The following LTBP1 variants were observed in gnomAD, a reference collection of about 807,000 sequenced individuals.
LTBP1 encodes latent-transforming growth factor beta-binding protein 1.
Under a neutral mutation model 207.6 loss-of-function variants are expected in LTBP1, and 129 were observed. The observed-to-expected ratio is 0.62, with a 90% confidence interval of 0.54 to 0.72. LTBP1 has a LOEUF of 0.72. Among genes scored for constraint, LTBP1 ranks in the 30% least tolerant of loss-of-function variants. LTBP1 has a pLI of 0.00. For missense variants in LTBP1, 2,281 were observed against 2,217.2 expected (o/e 1.03, Z -0.58); for synonymous variants, 963 against 833.7 (o/e 1.16, Z -2.67).
chr2:33,344,705 G>T (rs956200847), intron 25 of LTBP1, among the ~76,000 whole-genome samples: 1 of 152,134 alleles, frequency 6.6e-6, no homozygotes, highest in Admixed American at 6.5e-5. Context: ...TTAATAATGG[G>T]TATACCACCT....
At chr2:33,090,274 A>G (rs2079002439) in intron 3 of LTBP1, among the ~76,000 whole-genome samples, 1 of 152,218 alleles carries the variant, frequency 6.6e-6, no homozygotes, top group Non-Finnish European at 1.5e-5. Context: ...CATTGGCTTG[A>G]AAGTTGGCCC....
chr2:33,017,372 T>C (rs1688531904), intron 2 of LTBP1, among the ~76,000 whole-genome samples: 2 of 152,154 alleles, frequency 1.3e-5, no homozygotes, highest in South Asian at 4.1e-4. Context: ...CAAACCTGAG[T>C]GTGCATCGAC....
intron 31 of LTBP1, among the ~76,000 whole-genome samples, chr2:33,373,129 T>A (rs1574060986): frequency 6.6e-6 from 1 of 152,164 alleles, no homozygotes; most frequent in Admixed American, 6.5e-5. Flanking sequence ...GGACAACTAG[T>A]GTGTTGGGAG....
At chr2:33,017,753 A>G (rs1688585707) in intron 2 of LTBP1, among the ~76,000 whole-genome samples, 2 of 152,138 alleles carry the variant, frequency 1.3e-5, no homozygotes, top group African/African-American at 2.4e-5. Flanking sequence ...AGTAGCTGGG[A>G]CTAAAGGCAC....
intron 7 of LTBP1, among the ~76,000 whole-genome samples, chr2:33,212,679 G>A (rs2090400042): frequency 6.6e-6 from 1 of 152,102 alleles, no homozygotes; most frequent in African/African-American, 2.4e-5. Flanking sequence ...TAATGAGGTT[G>A]AATCCACTCT....
chr2:33,246,699 G>A (rs573225306), intron 10 of LTBP1, among the ~76,000 whole-genome samples: 14 of 152,272 alleles, frequency 9.2e-5, no homozygotes, highest in Non-Finnish European at 1.3e-4. Context: ...AAGGAACAAC[G>A]GGAAGCACTT....
At chr2:33,343,759 A>G (rs1014523020) in intron 25 of LTBP1, among the ~76,000 whole-genome samples, 8 of 152,324 alleles carry the variant, frequency 5.3e-5, no homozygotes, top group Admixed American at 2.0e-4. Flanking sequence ...GAATATCATC[A>G]TATGTCCTGG....
chr2:33,233,569 A>T (rs1466231187), intron 9 of LTBP1, among the ~76,000 whole-genome samples: 1 of 152,098 alleles, frequency 6.6e-6, no homozygotes, highest in Non-Finnish European at 1.5e-5. Context: ...TTGGGTTGAT[A>T]AGCTCACTTT....
chr2:33,275,229 C>A, intron 17 of LTBP1, 139 bp downstream of exon 17: 1 of 999,568 alleles, frequency 1.0e-6, no homozygotes, highest in Non-Finnish European at 1.4e-6. Flanking sequence ...TCTGCTAGAT[C>A]CCAGGTGATA....
chr2:33,251,542 G>A (rs939164321), intron 10 of LTBP1, among the ~76,000 whole-genome samples: 2 of 151,966 alleles, frequency 1.3e-5, no homozygotes, highest in African/African-American at 2.4e-5. Flanking sequence ...GTGGGTGCCT[G>A]TAGTCCCACC....
At chr2:32,964,838 C>G (rs72789880) in intron 2 of LTBP1, among the ~76,000 whole-genome samples, 1 of 151,652 alleles carries the variant, frequency 6.6e-6, no homozygotes, top group Non-Finnish European at 1.5e-5. Flanking sequence ...GTCAAGAGCT[C>G]GAGATCATCT....
At chr2:33,297,500 C>T (rs181865542) in intron 20 of LTBP1, among the ~76,000 whole-genome samples, 6 of 151,860 alleles carry the variant, frequency 4.0e-5, no homozygotes, top group South Asian at 4.2e-4. Context: ...GGTGCGATCT[C>T]GGCGCACTGC....
chr2:33,347,770 T>G (rs1216966985), intron 26 of LTBP1, among the ~76,000 whole-genome samples: 5 of 152,194 alleles, frequency 3.3e-5, no homozygotes, highest in Non-Finnish European at 7.3e-5. Flanking sequence ...GGATCCAAAA[T>G]GATGAGGACA....
At chr2:33,189,559 G>C (rs929761661) in intron 7 of LTBP1, among the ~76,000 whole-genome samples, 1 of 152,164 alleles carries the variant, frequency 6.6e-6, no homozygotes, top group Non-Finnish European at 1.5e-5. Context: ...GATGATCTGT[G>C]TATAAAATGT....
intron 5 of LTBP1, among the ~76,000 whole-genome samples, chr2:33,139,109 C>T (rs537121338): frequency 1.0e-3 from 155 of 151,962 alleles, no homozygotes; most frequent in South Asian, 8.3e-3. Flanking sequence ...CCGCCCGCCT[C>T]GGCCTCCCAA....
chr2:33,233,950 T>C (rs2149601755), intron 9 of LTBP1, among the ~76,000 whole-genome samples: 1 of 152,014 alleles, frequency 6.6e-6, no homozygotes, highest in African/African-American at 2.4e-5. Flanking sequence ...AGATAAGTAG[T>C]GGTTTGTGTG....
chr2:33,297,311 C>G (rs997488805), intron 20 of LTBP1, among the ~76,000 whole-genome samples: 1 of 152,118 alleles, frequency 6.6e-6, no homozygotes, highest in Admixed American at 6.5e-5. Context: ...CATATCAGCT[C>G]TAGTAGGAAG....
intron 18 of LTBP1, among the ~76,000 whole-genome samples, chr2:33,277,966 A>G (rs2093480363): frequency 6.6e-6 from 1 of 150,442 alleles, no homozygotes; most frequent in Non-Finnish European, 1.5e-5. Flanking sequence ...AGTAGCTGGG[A>G]CTACAGGTGA....
At chr2:33,075,393 T>A (rs1558601261) in intron 3 of LTBP1, among the ~76,000 whole-genome samples, 1 of 152,234 alleles carries the variant, frequency 6.6e-6, no homozygotes, top group East Asian at 1.9e-4. Flanking sequence ...TTTTGATTTA[T>A]TACTAACTTG....
Sources: allele counts gnomAD v4.1 joint callset (sites outside exome capture counted in the v4.1 genomes callset), GRCh38; gene constraint gnomAD v4.1.1; transcripts MANE v1.5; gene names NCBI Gene and HGNC (gene_info 2026-07-23, HGNC 2026-07-21).